LYG2: variants seen among roughly 807,000 people sequenced by gnomAD.
LYG2 encodes lysozyme g-like protein 2.
LYG2 carries 25 observed loss-of-function variants against 22.4 expected under a neutral mutation model. The ratio of observed to expected loss-of-function variants is 1.12; its 90% CI spans 0.81 to 1.56. The LOEUF (loss-of-function observed/expected upper bound fraction) is 1.56. LYG2 is among the 40% of genes most tolerant of loss of function. LYG2 has a pLI of 0.00. For synonymous variants in LYG2, 88 were observed against 97.0 expected (o/e 0.91, Z 0.55); for missense variants, 266 against 269.5 (o/e 0.99, Z 0.09).
chr2:99,251,307 TAA>T (rs2094026144), intron 3 of LYG2, among the ~76,000 whole-genome samples: 1 of 152,210 alleles, frequency 6.6e-6, no homozygotes, highest in African/African-American at 2.4e-5. Flanking sequence ...AGAATTATCT[TAA>T]GTGACTTTAA....
chr2:99,244,429 T>C (rs147342612), intron 5 of LYG2, among the ~76,000 whole-genome samples: 2 of 152,324 alleles, frequency 1.3e-5, no homozygotes, highest in African/African-American at 4.8e-5. Context: ...TAAATAATTA[T>C]CCAGCTAATT....
intron 6 of LYG2, chr2:99,243,376 T>G: frequency 6.6e-7 from 1 of 1,522,492 alleles, no homozygotes; most frequent in Non-Finnish European, 8.9e-7. Flanking sequence ...GATTTCCACT[T>G]GGATATATAG....
chr2:99,257,421 C>T (rs1290258134), upstream of LYG2, among the ~76,000 whole-genome samples: 2 of 152,152 alleles, frequency 1.3e-5, no homozygotes, highest in Non-Finnish European at 2.9e-5. Context: ...CCTACTGACC[C>T]AGTGGATGGT....
At chr2:99,260,563 C>T (rs1461997717), upstream of LYG2, among the ~76,000 whole-genome samples, 1 of 152,144 alleles carries the variant, frequency 6.6e-6, no homozygotes, top group African/African-American at 2.4e-5. Context: ...GTTCACTATA[C>T]CTGTGATGGA....
chr2:99,248,295 C>T (rs1240048623), intron 3 of LYG2, among the ~76,000 whole-genome samples: 18 of 152,040 alleles, frequency 1.2e-4, no homozygotes, highest in South Asian at 8.3e-4. Flanking sequence ...ATGTTTATTG[C>T]GGCACTATTC....
At chr2:99,258,799 T>C (rs960286856), upstream of LYG2, among the ~76,000 whole-genome samples, 22 of 152,358 alleles carry the variant, frequency 1.4e-4, no homozygotes, top group Non-Finnish European at 2.5e-4. Flanking sequence ...TTTCTTGTCT[T>C]GGTTTTAATC....
intron 5 of LYG2, 109 bp from the exon 6 acceptor site, chr2:99,244,246 C>T: frequency 9.4e-7 from 1 of 1,061,502 alleles, no homozygotes; most frequent in Non-Finnish European, 1.3e-6. Context: ...GCCTTTATCC[C>T]CAAAGAGTCA....
Position 99,242,331 on chromosome 2 carries a change from C to G in LYG2, c.*33G>C. 2 of 1,394,432 alleles carry G rather than the reference C, an allele frequency of 1.4e-6. No individual in the cohort carries two copies. Among genetic ancestry groups the G allele is most frequent in the Non-Finnish European group, 2.0e-6 (2 of 991,756 alleles). 86.4% of individuals were successfully genotyped at this position (1,394,432 alleles called of 1,614,324 possible). A position where few individuals can be genotyped will look rare whatever the true frequency, so the allele number is the denominator to read the frequency against. ...ACTCTCAAAGGCGGCCATCTGAGCA[C>G]TCTGCCAACCTGGCCCACCCACAGA... On this transcript the variant is annotated 3_prime_UTR_variant, in exon 7 of 7. Transcript: ENST00000333017.
intron 6 of LYG2, chr2:99,243,489 A>AATAG: frequency 1.5e-6 from 2 of 1,327,870 alleles, no homozygotes; most frequent in Non-Finnish European, 1.0e-6. Context: ...GAGGTAGGCA[A>AATAG]ACAGATAGAT....
rs1228454027 is a variant in LYG2, at chr2:99,254,238, C to G, written c.23G>C (p.Trp8Ser). Reference sequence around the variant, plus strand: ...CTTACCAATGAGGGCAATTAGTCCCCAAAACACCACGGAGGATAACATGGC... The same window carrying G: ...CTTACCAATGAGGGCAATTAGTCCCGAAAACACCACGGAGGATAACATGGC... The part of the protein sequence containing the change: MLSSVVF[W>S]GLIALIGTSR... The change falls in exon 3 of 7, where the codon TGG becomes TCG. Residue 8 changes from tryptophan to serine, a missense_variant. Coordinates refer to ENST00000333017, the MANE Select transcript of LYG2 (RefSeq NM_175735.4). 2 of 1,614,052 alleles carry G rather than the reference C, an allele frequency of 1.2e-6. No individual in the cohort carries two copies. The highest frequency in any genetic ancestry group is 3.3e-5 in the Admixed American group (2 of 60,010).
At chr2:99,244,747 TA>T (rs2094012694) in intron 5 of LYG2, among the ~76,000 whole-genome samples, 1 of 152,190 alleles carries the variant, frequency 6.6e-6, no homozygotes, top group African/African-American at 2.4e-5. Context: ...AAATACTTTT[TA>T]AAATATATCT....
At chr2:99,243,435 T>G (rs745623518) in intron 6 of LYG2, 1 of 1,550,066 alleles carries the variant, frequency 6.5e-7, no homozygotes, top group South Asian at 1.2e-5. Flanking sequence ...TCAGACAATT[T>G]GGAAAGTTGT....
At position 99,243,914 on chromosome 2, in the gene LYG2, T is replaced by C; in HGVS notation, c.520+85A>G. On this transcript the variant is annotated intron_variant, in intron 6 of 6. Coordinates refer to ENST00000333017, the MANE Select transcript of LYG2 (RefSeq NM_175735.4). ...AGGGCCACTGCTGACCCCGTGGAAA[T>C]GCTCCCAGGGAGTCTCGGGTCACAC... 3.3e-6 allele frequency: 5 copies of C among 1,524,328 alleles called. 1 individual carries two copies. The South Asian group carries it at 3.5e-5, about 11-fold the overall frequency. 94.4% of individuals were successfully genotyped at this position (1,524,328 alleles called of 1,614,324 possible). A position where few individuals can be genotyped will look rare whatever the true frequency, so the allele number is the denominator to read the frequency against.
rs2094010974 is a variant in LYG2, at chr2:99,243,869, G to A, written c.520+130C>T. On this transcript the variant is annotated intron_variant, in intron 6 of 6. Coordinates refer to ENST00000333017, the MANE Select transcript of LYG2 (RefSeq NM_175735.4). The stretch of plus-strand genomic sequence containing the variant: ...CAGTGGTTCAGGGAATGCAAATGCA[G>A]CCTCTAGACAGCTCCTCCCAGGGCC... The A allele has an allele frequency of 4.0e-5, 40 of 1,011,900 alleles. No individual in the cohort carries two copies. In the South Asian group the frequency reaches 6.1e-4, roughly 15 times the overall value. 62.7% of individuals were successfully genotyped at this position (1,011,900 alleles called of 1,614,324 possible). A position where few individuals can be genotyped will look rare whatever the true frequency, so the allele number is the denominator to read the frequency against.
chr2:99,245,416 G>T lies in LYG2; in HGVS notation c.227C>A (p.Ala76Asp). ...GATCAGAGTCTGGTAAGGTTTTATG[G>T]CCCTCAAATCCATCTCAGCAAACAT... The part of the protein sequence containing the change: ...SEMFAEMDLR[A>D]IKPYQTLIKE... Residue 76 changes from alanine (A) to aspartate (D), a missense_variant, in exon 5 of 7, where the codon GCC (alanine) becomes GAC (aspartate). By Grantham distance (126) the Ala-to-Asp change is moderately radical. Coordinates refer to ENST00000333017, the MANE Select transcript of LYG2 (RefSeq NM_175735.4). 6.2e-7 allele frequency: 1 copy of T among 1,611,134 alleles called. No homozygotes were observed. The highest frequency in any genetic ancestry group is 8.5e-7 in the Non-Finnish European group (1 of 1,178,584).
chr2:99,245,532 A>G (rs1483680849), intron 4 of LYG2, 74 bp from the exon 5 acceptor site: 103 of 872,434 alleles, frequency 1.2e-4, no homozygotes, highest in Non-Finnish European at 1.3e-5. Context: ...GCTACACAGG[A>G]GGCTGAAACA....
At chr2:99,256,809 T>A (rs1289867873), upstream of LYG2, among the ~76,000 whole-genome samples, 5 of 152,226 alleles carry the variant, frequency 3.3e-5, no homozygotes, top group African/African-American at 1.2e-4. Context: ...ATGTGGATTG[T>A]TCTGTTCACT....
chr2:99,260,605 C>T (rs1014528872), upstream of LYG2, among the ~76,000 whole-genome samples: 8 of 152,290 alleles, frequency 5.3e-5, no homozygotes, highest in South Asian at 1.2e-3. Flanking sequence ...TGGAGAAGGA[C>T]TTGTGTCAAA....
chr2:99,254,295 T>C lies in LYG2; in HGVS notation c.-25-10A>G. 2 of 1,601,678 alleles carry C rather than the reference T, an allele frequency of 1.2e-6. No homozygotes were observed. Among genetic ancestry groups the C allele is most frequent in the Non-Finnish European group, 1.7e-6 (2 of 1,174,072 alleles). On this transcript the variant is annotated splice_polypyrimidine_tract_variant and intron_variant, in intron 2 of 6. Transcript: ENST00000333017. The stretch of plus-strand genomic sequence containing the variant: ...TCTTATCTTCCAGGACCTGCTCTGA[T>C]TTGAAATAGAAACTGGTTAATTTTA...
Sources: gnomAD v4.1 joint callset for allele counts (sites outside exome capture counted in the v4.1 genomes callset) on GRCh38, gnomAD v4.1.1 for gene constraint, MANE v1.5 for transcripts, NCBI Gene and HGNC (gene_info 2026-07-23, HGNC 2026-07-21) for gene names.